The following SCHIP1 variants were observed in gnomAD, a reference collection of about 807,000 sequenced individuals.
The protein encoded by SCHIP1 is schwannomin interacting protein 1, also known as schwannomin-interacting protein 1.
Under a neutral mutation model 29.7 loss-of-function variants are expected in SCHIP1, and 8 were observed. That is an observed-to-expected ratio of 0.27 (90% CI 0.16 to 0.49). The LOEUF is 0.49. SCHIP1 is among the 20% of genes least tolerant of loss of function. The pLI is 0.99. For synonymous variants in SCHIP1, 76 were observed against 94.9 expected, an observed-to-expected ratio of 0.80 and a Z score of 1.16; for missense variants, 193 against 294.6, an observed-to-expected ratio of 0.66 and a Z score of 2.52.
At chr3:159,775,744 AT>A in the SCHIP1 span, among the ~76,000 whole-genome samples, 1 of 152,182 alleles carries the variant, frequency 6.6e-6, no homozygotes, top group Non-Finnish European at 1.5e-5. Flanking sequence ...GAACAAAACA[AT>A]TGGTAAGTCC....
the SCHIP1 span, among the ~76,000 whole-genome samples, chr3:159,348,895 A>G: frequency 1.3e-5 from 2 of 152,158 alleles, no homozygotes; most frequent in African/African-American, 2.4e-5. Flanking sequence ...TATTTTACTC[A>G]TATCTTACTA....
the SCHIP1 span, among the ~76,000 whole-genome samples, chr3:159,416,528 T>C: frequency 1.3e-5 from 2 of 152,186 alleles, no homozygotes; most frequent in African/African-American, 2.4e-5. Context: ...CAGACTTTCA[T>C]TTTGTTGTTC....
At chr3:159,373,401 C>A in the SCHIP1 span, among the ~76,000 whole-genome samples, 1 of 151,856 alleles carries the variant, frequency 6.6e-6, no homozygotes, top group African/African-American at 2.4e-5. Context: ...ATAGACATAT[C>A]CATCACCTTA....
At chr3:159,275,637 C>T in the SCHIP1 span, among the ~76,000 whole-genome samples, 2 of 152,128 alleles carry the variant, frequency 1.3e-5, no homozygotes, top group African/African-American at 4.8e-5. Context: ...TTATCCAGCA[C>T]ACACATTTTT....
the SCHIP1 span, among the ~76,000 whole-genome samples, chr3:159,750,561 A>G: frequency 6.6e-6 from 1 of 152,086 alleles, no homozygotes; most frequent in African/African-American, 2.4e-5. Flanking sequence ...AATGCCAGGT[A>G]GGATGTGGAA....
chr3:159,345,363 A>G, the SCHIP1 span, among the ~76,000 whole-genome samples: 1 of 152,192 alleles, frequency 6.6e-6, no homozygotes, highest in Non-Finnish European at 1.5e-5. Flanking sequence ...CGGGAAACCA[A>G]TCAACGCTAA....
chr3:159,665,926 T>C, the SCHIP1 span, among the ~76,000 whole-genome samples: 4 of 152,222 alleles, frequency 2.6e-5, no homozygotes, highest in African/African-American at 4.8e-5. Flanking sequence ...GGCGTCTCCT[T>C]GGGCTTCTTG....
chr3:159,558,599 G>A, the SCHIP1 span, among the ~76,000 whole-genome samples: 2 of 152,084 alleles, frequency 1.3e-5, no homozygotes, highest in African/African-American at 4.8e-5. Context: ...TGCCAAGAAG[G>A]GGAGTTATGG....
At chr3:159,551,984 G>A in the SCHIP1 span, among the ~76,000 whole-genome samples, 5 of 150,642 alleles carry the variant, frequency 3.3e-5, no homozygotes, top group African/African-American at 1.2e-4. Context: ...ACTTGCTTGT[G>A]GTATGGTAAT....
At chr3:159,434,917 G>A in the SCHIP1 span, among the ~76,000 whole-genome samples, 1 of 152,100 alleles carries the variant, frequency 6.6e-6, no homozygotes, top group African/African-American at 2.4e-5. Context: ...TCCTCCACCT[G>A]TAAAATGATG....
At chr3:159,658,979 C>T in the SCHIP1 span, among the ~76,000 whole-genome samples, 2 of 152,196 alleles carry the variant, frequency 1.3e-5, no homozygotes, top group African/African-American at 4.8e-5. Flanking sequence ...ACATGTGTAC[C>T]TGTCAGCTCA....
chr3:159,790,378 A>C, the SCHIP1 span, among the ~76,000 whole-genome samples: 9 of 152,210 alleles, frequency 5.9e-5, no homozygotes, highest in African/African-American at 2.2e-4. Context: ...ATTTGAGTGA[A>C]GTTACAATCT....
At chr3:159,705,855 C>T in the SCHIP1 span, among the ~76,000 whole-genome samples, 190 of 151,840 alleles carry the variant, frequency 1.3e-3, no homozygotes, top group African/African-American at 4.5e-3. Flanking sequence ...TACAGGCATG[C>T]GCCACCACAT....
intron 1 of SCHIP1, among the ~76,000 whole-genome samples, chr3:159,858,097 C>T (rs965682820): frequency 6.6e-6 from 1 of 152,166 alleles, no homozygotes; most frequent in African/African-American, 2.4e-5. Context: ...CTGTTGTGTT[C>T]CTGTCAGTGA....
the SCHIP1 span, among the ~76,000 whole-genome samples, chr3:159,794,097 C>T: frequency 2.6e-5 from 4 of 152,148 alleles, no homozygotes; most frequent in African/African-American, 9.7e-5. Flanking sequence ...GTAGCATATT[C>T]ACAGGTTCTG....
chr3:159,635,597 G>T, the SCHIP1 span, among the ~76,000 whole-genome samples: 1 of 151,968 alleles, frequency 6.6e-6, no homozygotes, highest in Non-Finnish European at 1.5e-5. Flanking sequence ...GTTTCCTCTG[G>T]ATGAGTATAT....
chr3:159,678,790 G>A, the SCHIP1 span, among the ~76,000 whole-genome samples: 15 of 152,220 alleles, frequency 9.9e-5, no homozygotes, highest in African/African-American at 3.6e-4. Flanking sequence ...TACAATCGTG[G>A]TGGAAGGCAC....
chr3:159,523,681 C>T, the SCHIP1 span, among the ~76,000 whole-genome samples: 1,005 of 152,220 alleles, frequency 6.6e-3, 11 homozygotes, highest in African/African-American at 0.023. Context: ...CTATCCATCC[C>T]GTCATCCACC....
At chr3:159,850,319 C>T (rs1712418013) in intron 1 of SCHIP1, among the ~76,000 whole-genome samples, 1 of 151,972 alleles carries the variant, frequency 6.6e-6, no homozygotes, top group Non-Finnish European at 1.5e-5. Flanking sequence ...TTTGGGAGGC[C>T]AAGGCGGGTG....
Sources: gnomAD v4.1 joint callset for allele counts (sites outside exome capture counted in the v4.1 genomes callset) on GRCh38, gnomAD v4.1.1 for gene constraint, MANE v1.5 for transcripts, NCBI Gene and HGNC (gene_info 2026-07-23, HGNC 2026-07-21) for gene names.